PLXNA4: variants seen among roughly 807,000 people sequenced by gnomAD.
PLXNA4 encodes the protein plexin-A4.
Under a neutral mutation model 191.8 loss-of-function variants are expected in PLXNA4, and 44 were observed. That is an observed-to-expected ratio of 0.23 (90% CI 0.18 to 0.29). The LOEUF (loss-of-function observed/expected upper bound fraction) is 0.29. PLXNA4 is among the 10% of genes least tolerant of loss of function. The pLI, the probability that PLXNA4 is intolerant of heterozygous loss-of-function variation, is 1.00. For synonymous variants in PLXNA4, 1,082 were observed against 1,009.5 expected (o/e 1.07, Z -1.36); for missense variants, 1,800 against 2,488.8 (o/e 0.72, Z 5.89).
chr7:132,249,299 G>T (rs891716172), intron 4 of PLXNA4, among the ~76,000 whole-genome samples: 1 of 152,238 alleles, frequency 6.6e-6, no homozygotes, highest in South Asian at 2.1e-4. Context: ...TAAATGAAAA[G>T]TAGCAGATGT....
chr7:132,241,030 G>C, intron 5 of PLXNA4, 36 bp downstream of exon 5: 1 of 1,471,592 alleles, frequency 6.8e-7, no homozygotes, highest in Non-Finnish European at 9.4e-7. Context: ...CCAGGAGGAA[G>C]TGGGAGGCAC....
chr7:132,432,134 C>G (rs1211854913), intron 3 of PLXNA4, among the ~76,000 whole-genome samples: 1 of 152,106 alleles, frequency 6.6e-6, no homozygotes, highest in Admixed American at 6.5e-5. Context: ...TACAGCCCAC[C>G]CTCCTCACTC....
chr7:132,520,798 G>T (rs1348350579), intron 1 of PLXNA4, among the ~76,000 whole-genome samples: 2 of 152,012 alleles, frequency 1.3e-5, no homozygotes, highest in Admixed American at 6.6e-5. Flanking sequence ...CAACAGCTCA[G>T]CCACCCACCT....
intron 3 of PLXNA4, chr7:132,383,586 C>A: frequency 1.0e-6 from 1 of 984,340 alleles, no homozygotes; most frequent in Non-Finnish European, 1.2e-6. Context: ...ACACAAGAAT[C>A]AGTTACAAGA....
intron 1 of PLXNA4, among the ~76,000 whole-genome samples, chr7:132,516,103 T>C (rs1239548497): frequency 6.6e-6 from 1 of 152,186 alleles, no homozygotes; most frequent in Non-Finnish European, 1.5e-5. Context: ...AAAGTAAATC[T>C]TGGTGCTTCA....
rs773489732 is a variant in PLXNA4, at chr7:132,228,420, C to A, written c.1654G>T (p.Ala552Ser). The change falls in exon 6 of 32, where the codon GCC becomes TCC. Residue 552 changes from alanine to serine, a missense_variant. Coordinates refer to ENST00000321063, the MANE Select transcript of PLXNA4 (RefSeq NM_020911.2). Reference sequence around the variant, plus strand: ...CGGACACACTGCTTCATCTCCGAGGCAAACCTGCGGGGCTCCTTGGACCGC... The same window carrying A: ...CGGACACACTGCTTCATCTCCGAGGAAAACCTGCGGGGCTCCTTGGACCGC... ...CERSKEPRRF[A>S]SEMKQCVRLT... The A allele has an allele frequency of 1.2e-6, 2 of 1,614,180 alleles. No individual in the cohort carries two copies. Among genetic ancestry groups the A allele is most frequent in the South Asian group, 1.1e-5 (1 of 91,084 alleles).
At chr7:132,444,220 C>T (rs1353651270) in intron 3 of PLXNA4, among the ~76,000 whole-genome samples, 1 of 152,236 alleles carries the variant, frequency 6.6e-6, no homozygotes, top group East Asian at 1.9e-4. Flanking sequence ...TTTAATGATG[C>T]CCTTTGGCTC....
rs756590940 is a variant in PLXNA4, at chr7:132,507,917, G to T, written c.777C>A (p.Leu259=). The T allele has an allele frequency of 1.2e-6, 2 of 1,614,020 alleles. No homozygotes were observed. The highest frequency in any genetic ancestry group is 2.7e-5 in the African/African-American group (2 of 74,932). The change falls in exon 2 of 32, where the codon CTC becomes CTA. Residue 259 remains leucine, a synonymous_variant. Coordinates refer to ENST00000321063, the MANE Select transcript of PLXNA4 (RefSeq NM_020911.2). ...SSGNFVYFLT[L]QPEMVSPPGS... is the part of the protein sequence containing the mutation. ...CTGGTGGAGACACCATCTCAGGTTG[G>T]AGGGTCAAAAAGTAGACAAAGTTGC...
intron 3 of PLXNA4, among the ~76,000 whole-genome samples, chr7:132,354,285 T>C (rs963531787): frequency 2.6e-5 from 4 of 152,182 alleles, no homozygotes; most frequent in African/African-American, 9.7e-5. Flanking sequence ...TGTATCCCTG[T>C]GAACTCACGG....
intron 3 of PLXNA4, among the ~76,000 whole-genome samples, chr7:132,453,548 G>GTTT (rs35197607): frequency 1.4e-5 from 2 of 148,130 alleles, no homozygotes; most frequent in Non-Finnish European, 1.5e-5. Context: ...CACAGTGAGG[G>GTTT]TTTTTTTTTT....
At chr7:132,592,158 C>T (rs1802614474) in intron 2 of PLXNA4, among the ~76,000 whole-genome samples, 1 of 152,210 alleles carries the variant, frequency 6.6e-6, no homozygotes, top group South Asian at 2.1e-4. Flanking sequence ...TCCCTGGGAA[C>T]CCTGCCTCCC....
At chr7:132,521,105 C>T (rs565563385) in intron 1 of PLXNA4, among the ~76,000 whole-genome samples, 2 of 149,718 alleles carry the variant, frequency 1.3e-5, no homozygotes, top group African/African-American at 4.9e-5. Context: ...AAACATATTT[C>T]AGCTGTGTGC....
intron 4 of PLXNA4, among the ~76,000 whole-genome samples, chr7:132,293,153 G>C (rs567677710): frequency 6.6e-6 from 1 of 152,170 alleles, no homozygotes; most frequent in South Asian, 2.1e-4. Flanking sequence ...GATGGTAGGA[G>C]GGGTCCATGA....
At chr7:132,565,661 A>G (rs1391352745) in intron 1 of PLXNA4, among the ~76,000 whole-genome samples, 1 of 152,182 alleles carries the variant, frequency 6.6e-6, no homozygotes, top group African/African-American at 2.4e-5. Flanking sequence ...AGGACCAAAG[A>G]GAATGCCATG....
chr7:132,491,131 T>C (rs1035730772), intron 2 of PLXNA4, among the ~76,000 whole-genome samples: 3 of 152,198 alleles, frequency 2.0e-5, no homozygotes, highest in African/African-American at 7.2e-5. Flanking sequence ...TATTTTCTGC[T>C]CTATAAAGAT....
intron 30 of PLXNA4, among the ~76,000 whole-genome samples, chr7:132,138,597 G>A (rs183140416): frequency 1.3e-4 from 20 of 152,282 alleles, no homozygotes; most frequent in Middle Eastern, 3.4e-3. Flanking sequence ...CCCCGGTCCC[G>A]AAAAGGAGAA....
At chr7:132,457,531 G>A (rs1195707966) in intron 3 of PLXNA4, among the ~76,000 whole-genome samples, 3 of 152,180 alleles carry the variant, frequency 2.0e-5, no homozygotes, top group Non-Finnish European at 4.4e-5. Context: ...CATGGTGAAA[G>A]TGGAGAGAAA....
intron 17 of PLXNA4, 152 bp downstream of exon 17, chr7:132,181,945 T>C (rs1796721126): frequency 7.7e-7 from 1 of 1,299,990 alleles, no homozygotes; most frequent in Non-Finnish European, 1.1e-6. Context: ...TCTTCCCCCC[T>C]ATTCCACTAT....
At chr7:132,498,357 G>T (rs1318107257) in intron 2 of PLXNA4, among the ~76,000 whole-genome samples, 1 of 152,168 alleles carries the variant, frequency 6.6e-6, no homozygotes, top group Non-Finnish European at 1.5e-5. Context: ...GGCTGGGGAG[G>T]CCTCACAATC....
Sources: allele counts gnomAD v4.1 joint callset (sites outside exome capture counted in the v4.1 genomes callset), GRCh38; gene constraint gnomAD v4.1.1; transcripts MANE v1.5; gene names NCBI Gene and HGNC (gene_info 2026-07-23, HGNC 2026-07-21).